GRIK4: variants seen among roughly 807,000 people sequenced by gnomAD.
GRIK4 encodes glutamate receptor ionotropic, kainate 4.
Under a neutral mutation model 104.9 loss-of-function variants are expected in GRIK4, and 40 were observed. That is an observed-to-expected ratio of 0.38 (90% CI 0.30 to 0.50). The LOEUF is 0.50. Ranked by LOEUF, GRIK4 falls within the 20% of genes least tolerant of loss-of-function variation. The pLI is 0.93. For missense variants in GRIK4, 1,047 were observed against 1,308.1 expected (o/e 0.80, Z 3.08); for synonymous variants, 485 against 524.9 (o/e 0.92, Z 1.04).
At chr11:120,636,496 G>A (rs537674739) in intron 1 of GRIK4, among the ~76,000 whole-genome samples, 8 of 152,244 alleles carry the variant, frequency 5.3e-5, no homozygotes, top group African/African-American at 1.7e-4. Flanking sequence ...GAGCAGTGTG[G>A]GGAGACTGTG....
intron 3 of GRIK4, among the ~76,000 whole-genome samples, chr11:120,758,771 T>C (rs112759196): frequency 1.3e-5 from 2 of 152,290 alleles, no homozygotes; most frequent in African/African-American, 4.8e-5. Context: ...TGGTCTATAG[T>C]GGGCATCTAT....
intron 1 of GRIK4, among the ~76,000 whole-genome samples, chr11:120,650,894 C>T (rs993298715): frequency 6.6e-6 from 1 of 152,216 alleles, no homozygotes; most frequent in African/African-American, 2.4e-5. Context: ...ATCCTATTAA[C>T]AACCCAGTAA....
In GRIK4 at chr11:120,986,567, G is replaced by C. The variant is rs373306093; in HGVS notation, c.*307G>C. The C allele has an allele frequency of 1.7e-5, 6 of 345,730 alleles. No individual in the cohort carries two copies. In the East Asian group the frequency reaches 3.4e-4, roughly 20 times the overall value. 21.4% of individuals were successfully genotyped at this position (345,730 alleles called of 1,614,324 possible). ...CGCCAAAATAACAAGAGTATAGGGT[G>C]GGGGGTCCCTACCCAGACCAGTCCA... On this transcript the variant is annotated 3_prime_UTR_variant, in exon 21 of 21. Transcript: ENST00000527524.
intron 9 of GRIK4, among the ~76,000 whole-genome samples, chr11:120,867,133 GGGAAGGGAAGGTGTTGC>G (rs1954442394): frequency 1.3e-5 from 2 of 152,060 alleles, no homozygotes; most frequent in Admixed American, 1.3e-4. Context: ...GCCTCCGAGA[GGGAAGGGAAGGTGTTGC>G]GGACTCTCTC....
intron 14 of GRIK4, among the ~76,000 whole-genome samples, chr11:120,941,603 G>C (rs1943727071): frequency 6.6e-6 from 1 of 152,344 alleles, no homozygotes; most frequent in South Asian, 2.1e-4. Flanking sequence ...AGCCATGCTA[G>C]ATTAGGCTGG....
intron 8 of GRIK4, among the ~76,000 whole-genome samples, chr11:120,851,815 A>G (rs1953981146): frequency 1.3e-5 from 2 of 151,974 alleles, no homozygotes; most frequent in African/African-American, 2.4e-5. Flanking sequence ...TCCTGCTGCC[A>G]ATGTGGAGCA....
intron 13 of GRIK4, among the ~76,000 whole-genome samples, chr11:120,931,961 C>T (rs182037616): frequency 3.5e-4 from 53 of 152,186 alleles, no homozygotes; most frequent in Admixed American, 2.6e-3. Context: ...CCTCCTGCAT[C>T]GGGGCCTTGA....
intron 4 of GRIK4, among the ~76,000 whole-genome samples, chr11:120,809,757 A>G (rs1180838521): frequency 6.6e-6 from 1 of 152,172 alleles, no homozygotes; most frequent in Non-Finnish European, 1.5e-5. Flanking sequence ...TGTAGAATCC[A>G]GATTGAGACA....
chr11:120,589,736 A>G (rs7124361), intron 1 of GRIK4, among the ~76,000 whole-genome samples: 3,392 of 152,248 alleles, frequency 0.022, 52 homozygotes, highest in Non-Finnish European at 0.036. Context: ...ATCTCCTATC[A>G]TCACAATTCC....
At chr11:120,548,482 C>T (rs1039489691) in intron 1 of GRIK4, among the ~76,000 whole-genome samples, 10 of 152,064 alleles carry the variant, frequency 6.6e-5, no homozygotes, top group African/African-American at 1.7e-4. Context: ...GTGTCTTGCT[C>T]AGCTGGCCAT....
rs1942851890 is a variant in GRIK4 at position 120,905,599 on chromosome 11, A to G, written c.1476+106A>G. 1 of 779,670 alleles carries G rather than the reference A, an allele frequency of 1.3e-6. No homozygotes were observed. Among genetic ancestry groups the G allele is most frequent in the Non-Finnish European group, 2.2e-6 (1 of 458,462 alleles). 48.3% of individuals were successfully genotyped at this position (779,670 alleles called of 1,614,324 possible). A position where few individuals can be genotyped will look rare whatever the true frequency, so the allele number is the denominator to read the frequency against. ...GAACCCTCCATTTGTTCAGTCAATC[A>G]TTCATGCATTTGTCATTTATTTGTC... On this transcript the variant is annotated intron_variant, in intron 13 of 20. Transcript: ENST00000527524. This position sits in a 1 kb window ranked among gnomAD's most constrained non-coding sequence, Gnocchi z 5.1.
At chr11:120,532,825 T>G (rs1429496412) in intron 1 of GRIK4, among the ~76,000 whole-genome samples, 2 of 152,128 alleles carry the variant, frequency 1.3e-5, no homozygotes, top group Admixed American at 1.3e-4. Flanking sequence ...GGGTTTTAGA[T>G]GCTTTGGGCT....
chr11:120,784,334 A>G (rs1738443555), intron 3 of GRIK4, among the ~76,000 whole-genome samples: 1 of 152,194 alleles, frequency 6.6e-6, no homozygotes, highest in African/African-American at 2.4e-5. Context: ...CTCCTGGGAA[A>G]AGAGACAGAT....
chr11:120,756,117 C>G (rs1008521971), intron 3 of GRIK4, among the ~76,000 whole-genome samples: 1 of 152,202 alleles, frequency 6.6e-6, no homozygotes, highest in Non-Finnish European at 1.5e-5. Context: ...TGGTTGAGCA[C>G]TTGGTCACCT....
At chr11:120,667,859 G>A (rs1181121045) in intron 3 of GRIK4, among the ~76,000 whole-genome samples, 7 of 152,236 alleles carry the variant, frequency 4.6e-5, no homozygotes, top group African/African-American at 1.7e-4. Context: ...GACTCGAGAG[G>A]CACTGTGACT....
At position 120,621,082 on chromosome 11, in the gene GRIK4, T is replaced by A. The variant is rs540636570; in HGVS notation, c.-158-32603T>A. Reference sequence around the variant, plus strand: ...GTGGTTCAGTGCTGAGAACAAAGACTCGTGTACCCTGGTCACAGCTTGTCA... The same window carrying A: ...GTGGTTCAGTGCTGAGAACAAAGACACGTGTACCCTGGTCACAGCTTGTCA... On this transcript the variant is annotated intron_variant, in intron 1 of 20. Transcript: ENST00000527524. Among the ~76,000 whole-genome samples the A allele has an allele frequency of 5.3e-5, 8 of 152,292 alleles. No homozygotes were observed. In the South Asian group the frequency reaches 1.5e-3, roughly 28 times the overall value.
intron 20 of GRIK4, 56 bp from the exon 21 acceptor site, chr11:120,985,848 G>T: frequency 6.6e-7 from 1 of 1,516,970 alleles, no homozygotes; most frequent in Non-Finnish European, 8.9e-7. Context: ...CGGACTCGCA[G>T]GGGGCCCACG....
chr11:120,795,305 G>A (rs1018657232), intron 3 of GRIK4, among the ~76,000 whole-genome samples: 19 of 152,140 alleles, frequency 1.2e-4, no homozygotes, highest in African/African-American at 4.1e-4. Flanking sequence ...ATGTGTGGAG[G>A]GAGAGCCAGC....
At chr11:120,831,514 C>A (rs1321891698) in intron 6 of GRIK4, among the ~76,000 whole-genome samples, 1 of 152,180 alleles carries the variant, frequency 6.6e-6, no homozygotes, top group Non-Finnish European at 1.5e-5. Flanking sequence ...GTCTTGGTCT[C>A]TGTGCATCCT....
Sources: allele counts gnomAD v4.1 joint callset (sites outside exome capture counted in the v4.1 genomes callset), GRCh38; gene constraint gnomAD v4.1.1; non-coding constraint Gnocchi (gnomAD v3.1); transcripts MANE v1.5; gene names NCBI Gene and HGNC (gene_info 2026-07-23, HGNC 2026-07-21).